The following TRRAP variants were observed in gnomAD, a reference collection of about 807,000 sequenced individuals.
TRRAP encodes the protein transformation/transcription domain associated protein.
A neutral mutation model predicts 438.8 loss-of-function variants in TRRAP; 41 were observed. The ratio of observed to expected loss-of-function variants is 0.09; its 90% CI spans 0.07 to 0.12. The LOEUF (loss-of-function observed/expected upper bound fraction) is 0.12, where lower values mean the gene tolerates loss of function less well. TRRAP is among the 10% of genes least tolerant of loss of function. The probability of loss-of-function intolerance (pLI) is 1.00; values close to 1 mark genes in which losing one functional copy is unlikely to be tolerated. For synonymous variants in TRRAP, 1,994 were observed against 1,962.9 expected, an observed-to-expected ratio of 1.02 and a Z score of -0.42; for missense variants, 3,122 against 5,055.1, an observed-to-expected ratio of 0.62 and a Z score of 11.60.
intron 11 of TRRAP, 58 bp downstream of exon 11, chr7:98,900,778 C>T: frequency 6.9e-7 from 1 of 1,459,324 alleles, no homozygotes; most frequent in African/African-American, 1.4e-5. Context: ...CAATAAAATT[C>T]ACCTTTTGTG....
In TRRAP at chr7:98,900,703, A is replaced by G. The variant is rs782766859; in HGVS notation, c.880A>G (p.Ile294Val). Reference sequence around the variant, plus strand: ...TAAAACATTGTCATTTTTAGCTTACATTATCAGGATTTACCAGGTAAGGTC... The same window carrying G: ...TAAAACATTGTCATTTTTAGCTTACGTTATCAGGATTTACCAGGTAAGGTC... ...QIKTLSFLAY[I>V]IRIYQELVTK... Residue 294 changes from isoleucine to valine, a missense_variant, in exon 11 of 73, where the codon ATT (isoleucine) becomes GTT (valine). This residue lies in a region of TRRAP where 343 missense variants were observed against 564.0 expected (regional missense o/e 0.61). Coordinates refer to ENST00000456197, the MANE Select transcript of TRRAP (RefSeq NM_001375524.1). The G allele has an allele frequency of 5.0e-6, 8 of 1,613,300 alleles. No individual in the cohort carries two copies. The highest frequency in any genetic ancestry group is 6.8e-6 in the Non-Finnish European group (8 of 1,179,874).
chr7:98,999,166 C>T lies in TRRAP; in HGVS notation c.10309+4318C>T, dbSNP rs573088752. The T allele has an allele frequency of 1.3e-4, 206 of 1,581,560 alleles. 2 individuals carry two copies. In the African/African-American group the frequency reaches 2.6e-3, roughly 20 times the overall value. On this transcript the variant is annotated intron_variant, in intron 67 of 72. Coordinates refer to ENST00000456197, the MANE Select transcript of TRRAP (RefSeq NM_001375524.1). Reference sequence around the variant, plus strand: ...GTTGAGGCATTGAACCTGGCCATCTCTGATCTGGATTTCAAAGCAGTCCTT... The same window carrying T: ...GTTGAGGCATTGAACCTGGCCATCTTTGATCTGGATTTCAAAGCAGTCCTT...
At chr7:98,966,836 C>T (rs1792180714) in intron 49 of TRRAP, among the ~76,000 whole-genome samples, 2 of 152,156 alleles carry the variant, frequency 1.3e-5, no homozygotes, top group African/African-American at 4.8e-5. Flanking sequence ...TTTACAGTTG[C>T]TTTCTCTCTA....
intron 68 of TRRAP, 144 bp downstream of exon 68, chr7:99,004,559 A>G (rs781616876): frequency 1.3e-6 from 1 of 766,734 alleles, no homozygotes; most frequent in Non-Finnish European, 2.1e-6. Context: ...CTGGAATGTA[A>G]GTGGTCAGGC....
intron 47 of TRRAP, 23 bp downstream of exon 47, chr7:98,962,450 G>T (rs1232874965): frequency 1.9e-6 from 3 of 1,613,824 alleles, no homozygotes; most frequent in Non-Finnish European, 2.5e-6. Flanking sequence ...CTGTCCTGGT[G>T]TTCGTGGTGG....
chr7:98,976,806 C>T lies in TRRAP; in HGVS notation c.8247+36C>T, dbSNP rs761419900. 1.9e-6 allele frequency: 3 copies of T among 1,605,102 alleles called. No individual in the cohort carries two copies. Among genetic ancestry groups the T allele is most frequent in the African/African-American group, 2.7e-5 (2 of 74,710 alleles). On this transcript the variant is annotated intron_variant, in intron 55 of 72. Coordinates refer to ENST00000456197, the MANE Select transcript of TRRAP (RefSeq NM_001375524.1). This position sits in a 1 kb window ranked among gnomAD's most constrained non-coding sequence, Gnocchi z 4.6. ...GCCTCAGTTTGTTAATTACCTCTTC[C>T]CTGCCAGTGACTTCACACTTTAAAT...
intron 64 of TRRAP, 118 bp downstream of exon 64, chr7:98,990,737 G>A: frequency 9.0e-7 from 1 of 1,112,662 alleles, no homozygotes; most frequent in Non-Finnish European, 1.2e-6. Context: ...AAGTTAAAGA[G>A]ATGGGAAGAT....
intron 21 of TRRAP, 73 bp downstream of exon 21, chr7:98,922,026 A>T (rs868919889): frequency 1.3e-6 from 2 of 1,588,678 alleles, no homozygotes; most frequent in Middle Eastern, 3.3e-4. Context: ...GTGAAATGTT[A>T]ATTAGACCTG....
intron 56 of TRRAP, 76 bp downstream of exon 56, chr7:98,977,152 C>CT (rs1792697767): frequency 6.3e-7 from 1 of 1,588,954 alleles, no homozygotes; most frequent in Non-Finnish European, 8.6e-7. Context: ...AAAATGTCCT[C>CT]AAGTCGGAGT....
At chr7:98,940,524 C>A (rs1554415369) in intron 30 of TRRAP, among the ~76,000 whole-genome samples, 1 of 152,128 alleles carries the variant, frequency 6.6e-6, no homozygotes. Flanking sequence ...AACATTGTTA[C>A]CCAGATTTTT....
At position 98,957,969 on chromosome 7, in the gene TRRAP, G is replaced by T. The variant is rs1409364931; in HGVS notation, c.6232-12G>T. On this transcript the variant is annotated splice_polypyrimidine_tract_variant and intron_variant, in intron 43 of 72. Transcript: ENST00000456197. ...CGATTCTCTTCCTGCCTGAAAGGAG[G>T]TCCTTTTCCAGGTCTTTGGGAGGAG... 8.1e-6 allele frequency: 13 copies of T among 1,611,670 alleles called. No homozygotes were observed. The highest frequency in any genetic ancestry group is 1.6e-4 in the Middle Eastern group (1 of 6,076).
chr7:98,964,851 C>A, intron 48 of TRRAP, 76 bp downstream of exon 48: 1 of 1,490,154 alleles, frequency 6.7e-7, no homozygotes, highest in Non-Finnish European at 9.0e-7. Context: ...CAGGCTGGGG[C>A]TGAACTCTAA....
Position 99,005,620 on chromosome 7 carries a change from G to A in TRRAP, c.10753+272G>A, listed in dbSNP as rs1165750155. ...CTGCGGGCTCCATGGGGCCCACGAT[G>A]CCTTTGAATGTGGTTCGACACAAAT... is the stretch of plus-strand genomic sequence containing the variant. On this transcript the variant is annotated intron_variant, in intron 69 of 72. Transcript: ENST00000456197. The surrounding 1 kb of genome is among the most constrained non-coding windows in gnomAD (Gnocchi z 5.1). Among the ~76,000 whole-genome samples the A allele has an allele frequency of 6.6e-6, 1 of 152,146 alleles. No individual in the cohort carries two copies. Among genetic ancestry groups the A allele is most frequent in the Non-Finnish European group, 1.5e-5 (1 of 68,034 alleles).
At chr7:98,933,471 C>A in intron 27 of TRRAP, 69 bp downstream of exon 27, 1 of 1,533,698 alleles carries the variant, frequency 6.5e-7, no homozygotes, top group Non-Finnish European at 8.8e-7. Flanking sequence ...TCTTTGTACG[C>A]GAAGACTGGT....
intron 8 of TRRAP, 135 bp from the exon 9 acceptor site, chr7:98,899,287 A>G: frequency 1.4e-6 from 1 of 718,204 alleles, no homozygotes. Context: ...TGGATCTTTC[A>G]TCACAAATAT....
intron 56 of TRRAP, among the ~76,000 whole-genome samples, chr7:98,977,499 C>T (rs1008554467): frequency 7.9e-5 from 12 of 152,284 alleles, no homozygotes; most frequent in South Asian, 4.2e-4. Context: ...ATTTCAGTCC[C>T]GCACGTAAAG....
At chr7:98,964,484 T>G in intron 47 of TRRAP, 145 bp from the exon 48 acceptor site, 1 of 836,608 alleles carries the variant, frequency 1.2e-6, no homozygotes, top group Non-Finnish European at 1.8e-6. Flanking sequence ...GAATGTAGCG[T>G]GAGCCATGTA....
chr7:98,966,262 C>T (rs78148779), intron 49 of TRRAP, among the ~76,000 whole-genome samples: 1 of 151,672 alleles, frequency 6.6e-6, no homozygotes, highest in African/African-American at 2.4e-5. Context: ...GCTGAGATCA[C>T]GCCATTGCAC....
At chr7:98,903,274 G>A (rs1001857864) in intron 11 of TRRAP, 105 bp from the exon 12 acceptor site, 31 of 1,437,666 alleles carry the variant, frequency 2.2e-5, no homozygotes, top group Middle Eastern at 2.0e-4. Flanking sequence ...CACCCACCTC[G>A]GCCTCCCAAA....
Sources: gnomAD v4.1 joint callset for allele counts (sites outside exome capture counted in the v4.1 genomes callset) on GRCh38, gnomAD v4.1.1 for gene constraint, gnomAD v4.1.1 regional missense constraint, Gnocchi (gnomAD v3.1) non-coding constraint, MANE v1.5 for transcripts, NCBI Gene and HGNC (gene_info 2026-07-23, HGNC 2026-07-21) for gene names.